KCNG3: variants seen among roughly 807,000 people sequenced by gnomAD.
KCNG3 encodes potassium voltage-gated channel modifier subfamily G member 3, also known as voltage-gated potassium channel regulatory subunit KCNG3.
Under a neutral mutation model 29.0 loss-of-function variants are expected in KCNG3, and 15 were observed. The ratio of observed to expected loss-of-function variants is 0.52; its 90% CI spans 0.35 to 0.80. KCNG3 has a LOEUF of 0.80. Ranked by LOEUF, KCNG3 falls within the 30% of genes least tolerant of loss-of-function variation. The pLI is 0.01. For synonymous variants in KCNG3, 322 were observed against 248.9 expected, an observed-to-expected ratio of 1.29 and a Z score of -2.76; for missense variants, 512 against 605.7, an observed-to-expected ratio of 0.85 and a Z score of 1.62.
chr2:42,459,769 G>A (rs1672969947), intron 1 of KCNG3, among the ~76,000 whole-genome samples: 16 of 152,182 alleles, frequency 1.1e-4, no homozygotes, highest in Admixed American at 1.0e-3. Flanking sequence ...GAGGTCAGGA[G>A]ATCGAGACCA....
the KCNG3 span, among the ~76,000 whole-genome samples, chr2:42,409,657 T>C: frequency 2.8e-5 from 4 of 141,150 alleles, no homozygotes; most frequent in East Asian, 4.2e-4. Context: ...TGAGCCATGA[T>C]TGTGCCACTG....
the KCNG3 span, among the ~76,000 whole-genome samples, chr2:42,398,228 T>TAAAC: frequency 2.7e-5 from 1 of 36,734 alleles, no homozygotes; most frequent in Non-Finnish European, 4.7e-5. Flanking sequence ...GTCTCAAAAA[T>TAAAC]AAATAAATAA....
chr2:42,409,715 AAAAAAAAAAAAAAAT>A, the KCNG3 span, among the ~76,000 whole-genome samples: 27 of 149,400 alleles, frequency 1.8e-4, no homozygotes, highest in East Asian at 6.0e-4. Context: ...AAAAAAAAAA[AAAAAAAAAAAAAAAT>A]TTTTTTTTAA....
At chr2:42,459,183 C>T (rs1206767338) in intron 1 of KCNG3, among the ~76,000 whole-genome samples, 3 of 139,838 alleles carry the variant, frequency 2.1e-5, no homozygotes, top group East Asian at 2.0e-4. Flanking sequence ...GCAACAAGAG[C>T]GAAACTCCAT....
At chr2:42,446,062 G>C (rs776141246) in intron 1 of KCNG3, among the ~76,000 whole-genome samples, 1 of 152,054 alleles carries the variant, frequency 6.6e-6, no homozygotes, top group African/African-American at 2.4e-5. Context: ...TGCATCCTGG[G>C]AGCTCTAGGC....
chr2:42,410,746 T>C, the KCNG3 span, among the ~76,000 whole-genome samples: 2 of 152,156 alleles, frequency 1.3e-5, no homozygotes, highest in Admixed American at 1.3e-4. Context: ...CCTGGTCCTT[T>C]AGGATGTAGT....
intron 1 of KCNG3, among the ~76,000 whole-genome samples, chr2:42,487,872 G>A (rs1673767637): frequency 6.6e-6 from 1 of 152,154 alleles, no homozygotes; most frequent in South Asian, 2.1e-4. Flanking sequence ...TAGTGACTAT[G>A]GGCCATCTCT....
At chr2:42,417,915 T>A in the KCNG3 span, among the ~76,000 whole-genome samples, 8 of 151,822 alleles carry the variant, frequency 5.3e-5, no homozygotes, top group Non-Finnish European at 1.0e-4. Context: ...CGGGTTGCAG[T>A]GAGCTGAGAT....
chr2:42,400,431 CTCTGT>C, the KCNG3 span, among the ~76,000 whole-genome samples: 1 of 152,156 alleles, frequency 6.6e-6, no homozygotes, highest in East Asian at 1.9e-4. Context: ...TTTGCCATCC[CTCTGT>C]TCCTACATCT....
At chr2:42,476,772 G>A (rs1023348157) in intron 1 of KCNG3, among the ~76,000 whole-genome samples, 11 of 151,526 alleles carry the variant, frequency 7.3e-5, no homozygotes, top group Non-Finnish European at 2.9e-5. Context: ...TTACAGGTGT[G>A]AGCCACCATG....
At chr2:42,399,056 CTTTT>C in the KCNG3 span, among the ~76,000 whole-genome samples, 1 of 107,620 alleles carries the variant, frequency 9.3e-6, no homozygotes, top group Non-Finnish European at 1.8e-5. Context: ...TTTTTCTTTT[CTTTT>C]TTTTTTTTTT....
the KCNG3 span, among the ~76,000 whole-genome samples, chr2:42,432,036 CAA>C: frequency 2.0e-4 from 23 of 113,606 alleles, no homozygotes; most frequent in African/African-American, 4.5e-4. Context: ...AAGACTCTAT[CAA>C]AAAAAAAAAA....
chr2:42,421,348 G>T, the KCNG3 span, among the ~76,000 whole-genome samples: 1 of 152,110 alleles, frequency 6.6e-6, no homozygotes, highest in Non-Finnish European at 1.5e-5. Context: ...AACAGGATGA[G>T]AGAAGATGAA....
chr2:42,413,549 A>G, the KCNG3 span: 1 of 152,018 alleles, frequency 6.6e-6, no homozygotes, highest in Non-Finnish European at 1.5e-5. Context: ...TCTTCTAGTC[A>G]TATCACTTAC....
At chr2:42,409,991 T>C in the KCNG3 span, among the ~76,000 whole-genome samples, 6 of 152,160 alleles carry the variant, frequency 3.9e-5, no homozygotes, top group African/African-American at 1.2e-4. Context: ...TTAGAACTTT[T>C]GGGTTTCATA....
intron 1 of KCNG3, among the ~76,000 whole-genome samples, chr2:42,453,643 T>C (rs564443555): frequency 3.7e-4 from 57 of 152,328 alleles, no homozygotes; most frequent in African/African-American, 1.3e-3. Context: ...AAATATTTTC[T>C]CCCATTCTGT....
intron 1 of KCNG3, among the ~76,000 whole-genome samples, chr2:42,482,353 A>G (rs1673608826): frequency 6.6e-6 from 1 of 151,742 alleles, no homozygotes; most frequent in Non-Finnish European, 1.5e-5. Flanking sequence ...CCAAGGCAGG[A>G]GAATTGCTTG....
chr2:42,472,272 T>C (rs1022323261), intron 1 of KCNG3, among the ~76,000 whole-genome samples: 3 of 152,204 alleles, frequency 2.0e-5, no homozygotes, highest in Non-Finnish European at 4.4e-5. Flanking sequence ...GCTACAGCCA[T>C]AGAAATCAAA....
At chr2:42,478,877 TA>T (rs1439777729) in intron 1 of KCNG3, among the ~76,000 whole-genome samples, 1 of 152,074 alleles carries the variant, frequency 6.6e-6, no homozygotes, top group East Asian at 1.9e-4. Flanking sequence ...AATACATTAC[TA>T]AAACAGCTGT....
Sources: allele counts gnomAD v4.1 joint callset (sites outside exome capture counted in the v4.1 genomes callset), GRCh38; gene constraint gnomAD v4.1.1; transcripts MANE v1.5; gene names NCBI Gene and HGNC (gene_info 2026-07-23, HGNC 2026-07-21).